Variants in CGN observed in about 807,000 individuals in gnomAD.
CGN encodes the protein cingulin.
A neutral mutation model predicts 157.1 loss-of-function variants in CGN; 121 were observed. That is an observed-to-expected ratio of 0.77 (90% CI 0.66 to 0.90). The LOEUF is 0.90. Among genes scored for constraint, CGN ranks in the 40% least tolerant of loss-of-function variants. CGN has a pLI of 0.00. For missense variants in CGN, 1,424 were observed against 1,520.9 expected (o/e 0.94, Z 1.06); for synonymous variants, 535 against 607.5 (o/e 0.88, Z 1.76).
Position 151,525,633 on chromosome 1 carries a change from C to A in CGN, c.1615-9C>A. On this transcript the variant is annotated splice_polypyrimidine_tract_variant and intron_variant, in intron 8 of 20. Coordinates refer to ENST00000271636, the MANE Select transcript of CGN (RefSeq NM_020770.3). ...GAGCCTTCTGGTGTCCAACTCTCCC[C>A]TTCTCTAGGACCATGCAGTGCTGGA... The A allele has an allele frequency of 6.4e-7, 1 of 1,560,738 alleles. No homozygotes were observed.
rs530288272 is a variant in CGN, at chr1:151,538,263, C to T, written c.*917C>T. On this transcript the variant is annotated 3_prime_UTR_variant, in exon 21 of 21. Transcript: ENST00000271636. ...CCCTGACAACTGGCTGCACAAATTC[C>T]AAAAGTAAAGGTGTCAGTCCCTGTG... 1 of 152,314 alleles carries T rather than the reference C, an allele frequency of 6.6e-6. No individual in the cohort carries two copies. The highest frequency in any genetic ancestry group is 2.4e-5 in the African/African-American group (1 of 41,550). 9.4% of individuals were successfully genotyped at this position (152,314 alleles called of 1,614,324 possible).
rs1557983772 is a variant in CGN at position 151,511,463 on chromosome 1, C to CGAGCCCGAGCCCGAGCCT, written c.-50_-49insTGAGCCCGAGCCCGAGCC. 5.3e-6 allele frequency: 1 copy of CGAGCCCGAGCCCGAGCCT among 187,724 alleles called. No homozygotes were observed. Among genetic ancestry groups the CGAGCCCGAGCCCGAGCCT allele is most frequent in the African/African-American group, 2.4e-5 (1 of 41,790 alleles). 11.6% of individuals were successfully genotyped at this position (187,724 alleles called of 1,614,324 possible). On this transcript the variant is annotated 5_prime_UTR_variant, in exon 1 of 21. Coordinates refer to ENST00000271636, the MANE Select transcript of CGN (RefSeq NM_020770.3). The surrounding 1 kb of genome is among the most constrained non-coding windows in gnomAD (Gnocchi z 4.8). Reference sequence around the variant, plus strand: ...CCGAGCCCGAGCCCGAGCCCGAGCCCGAGCCCGAGCCCGAGCCCGAACGCA... The same window carrying CGAGCCCGAGCCCGAGCCT: ...CCGAGCCCGAGCCCGAGCCCGAGCCCGAGCCCGAGCCCGAGCCTGAGCCCGAGCCCGAGCCCGAACGCA...
In CGN at chr1:151,530,635, C is replaced by T. The variant is rs373110123; in HGVS notation, c.2460C>T (p.Asn820=). ...ARLGQEQQTL[N]RALEEEGKQR... ...TGGGGCAGGAGCAGCAGACACTGAA[C>T]CGGGCCCTGGAGGAGGAAGGGAAGC... The change falls in exon 13 of 21, where the codon AAC becomes AAT. Residue 820 remains asparagine (N), a synonymous_variant. Coordinates refer to ENST00000271636, the MANE Select transcript of CGN (RefSeq NM_020770.3). The T allele has an allele frequency of 2.5e-6, 4 of 1,602,536 alleles. No individual in the cohort carries two copies. The highest frequency in any genetic ancestry group is 2.6e-6 in the Non-Finnish European group (3 of 1,174,276).
intron 10 of CGN, 52 bp from the exon 11 acceptor site, chr1:151,529,298 G>C (rs1664771681): frequency 5.4e-6 from 8 of 1,474,270 alleles, no homozygotes; most frequent in Non-Finnish European, 7.6e-6. Flanking sequence ...TCCACATTCA[G>C]GTATCTTAGT....
intron 15 of CGN, 145 bp downstream of exon 15, chr1:151,534,281 T>C: frequency 3.6e-6 from 3 of 823,240 alleles, no homozygotes; most frequent in Non-Finnish European, 5.7e-6. Context: ...TTGCCAATGT[T>C]TAGAAATTTA....
At position 151,532,457 on chromosome 1, in the gene CGN, T is replaced by C; in HGVS notation, c.2627T>C (p.Leu876Pro). ...KQALQQLQAQ[L>P]EDYKEKARRE... ...GCCCTGCAGCAGCTCCAGGCCCAGC[T>C]GGAGGATTATAAGGAAAAGGCCCGG... The change falls in exon 14 of 21, where the codon CTG becomes CCG. Residue 876 changes from leucine (L) to proline (P), a missense_variant. By Grantham distance (98) the Leu-to-Pro change is moderately conservative. Transcript: ENST00000271636. 6.2e-6 allele frequency: 10 copies of C among 1,606,560 alleles called. No individual in the cohort carries two copies. Among genetic ancestry groups the C allele is most frequent in the Non-Finnish European group, 5.1e-6 (6 of 1,177,764 alleles).
chr1:151,518,009 GT>G (rs1664450051), intron 1 of CGN, among the ~76,000 whole-genome samples: 1 of 152,042 alleles, frequency 6.6e-6, no homozygotes, highest in South Asian at 2.1e-4. Context: ...ACCAGGCCCA[GT>G]TTATTTTTGT....
chr1:151,530,170 A>G (rs1237901877), intron 12 of CGN, 55 bp downstream of exon 12: 12 of 1,530,052 alleles, frequency 7.8e-6, no homozygotes, highest in East Asian at 2.3e-5. Context: ...AAATACTCCT[A>G]TGCTAAGTAG....
upstream of CGN, chr1:151,510,877 T>G (rs985828061): frequency 6.6e-6 from 1 of 152,158 alleles, no homozygotes; most frequent in African/African-American, 2.4e-5. Flanking sequence ...GAATCCAAGA[T>G]CAGGGTTCTG....
rs1664698683 is a variant in CGN, at chr1:151,527,043, A to C, written c.1832A>C (p.Gln611Pro). Residue 611 changes from glutamine (Q) to proline (P), a missense_variant, in exon 10 of 21, where the codon CAG (glutamine) becomes CCG (proline). Transcript: ENST00000271636. ...CTTGGAGAGAAGATAGAGGTCTTGCAGAGGGAATTAGAGCAGGCCCGAGCT... is the reference window on the plus strand; with the variant it reads ...CTTGGAGAGAAGATAGAGGTCTTGCCGAGGGAATTAGAGCAGGCCCGAGCT... ...EELGEKIEVL[Q>P]RELEQARASA... 6.2e-7 allele frequency: 1 copy of C among 1,614,080 alleles called. No individual in the cohort carries two copies. The highest frequency in any genetic ancestry group is 8.5e-7 in the Non-Finnish European group (1 of 1,180,046).
At chr1:151,527,132 T>A in intron 10 of CGN, 25 bp downstream of exon 10, 5 of 1,613,682 alleles carry the variant, frequency 3.1e-6, no homozygotes, top group Non-Finnish European at 4.2e-6. Flanking sequence ...GGGGGCAGAA[T>A]GGTAGGTAGG....
At chr1:151,527,950 ATTT>A (rs374689451) in intron 10 of CGN, 162 of 81,420 alleles carry the variant, frequency 2.0e-3, no homozygotes, top group Middle Eastern at 6.2e-3. Flanking sequence ...ATATATATAT[ATTT>A]TTTTTTTTTT....
Position 151,524,668 on chromosome 1 carries a change from C to A in CGN, c.1402-6C>A, listed in dbSNP as rs780016155. ...ACCCCTGTACTTCTTCCTTTATTTT[C>A]TCCAGGACCTGTTAGAGACCCGGGA... is the stretch of plus-strand genomic sequence containing the variant. On this transcript the variant is annotated splice_region_variant and splice_polypyrimidine_tract_variant and intron_variant, in intron 7 of 20. Coordinates refer to ENST00000271636, the MANE Select transcript of CGN (RefSeq NM_020770.3). The surrounding 1 kb of genome is among the most constrained non-coding windows in gnomAD (Gnocchi z 4.4). 1 of 1,601,358 alleles carries A rather than the reference C, an allele frequency of 6.2e-7. No individual in the cohort carries two copies. The highest frequency in any genetic ancestry group is 8.5e-7 in the Non-Finnish European group (1 of 1,175,762).
intron 15 of CGN, 93 bp downstream of exon 15, chr1:151,534,229 G>A (rs941601484): frequency 1.1e-5 from 14 of 1,244,616 alleles, no homozygotes; most frequent in Non-Finnish European, 1.6e-5. Flanking sequence ...CACAGTTGAT[G>A]AGTTTTGTTT....
chr1:151,528,339 C>T (rs975186237), intron 10 of CGN, among the ~76,000 whole-genome samples: 2 of 151,676 alleles, frequency 1.3e-5, no homozygotes, highest in Non-Finnish European at 2.9e-5. Flanking sequence ...CCTTCATGTA[C>T]TCTCCCTTCA....
intron 14 of CGN, 26 bp from the exon 15 acceptor site, chr1:151,533,949 C>T: frequency 1.9e-6 from 3 of 1,593,290 alleles, no homozygotes; most frequent in Non-Finnish European, 2.6e-6. Context: ...CTACACTGAG[C>T]TGTGGCATTT....
intron 1 of CGN, among the ~76,000 whole-genome samples, chr1:151,514,659 G>C (rs1293208805): frequency 6.6e-6 from 1 of 152,072 alleles, no homozygotes; most frequent in Non-Finnish European, 1.5e-5. Context: ...TATCTCGTAG[G>C]GGAGACAGAC....
In CGN at chr1:151,537,240, T is replaced by C; in HGVS notation, c.3506T>C (p.Leu1169Pro). ...KASRSAAESA[L>P]KNEGLSSDEE... ...TCCCGCTCAGCTGCTGAGTCAGCTC[T>C]CAAAAACGAAGGGCTGAGCTCAGAT... Residue 1169 changes from leucine to proline, a missense_variant, in exon 21 of 21, where the codon CTC becomes CCC. Around this residue, in one of 3 missense-constraint regions of CGN, gnomAD observed 199 missense variants for 272.2 expected, o/e 0.73. Transcript: ENST00000271636. 3.7e-6 allele frequency: 6 copies of C among 1,614,134 alleles called. No individual in the cohort carries two copies. Among genetic ancestry groups the C allele is most frequent in the Non-Finnish European group, 5.1e-6 (6 of 1,180,004 alleles).
At chr1:151,534,252 T>TGACAAACAACTTTGAA (rs1664909887) in intron 15 of CGN, 116 bp downstream of exon 15, 1 of 992,684 alleles carries the variant, frequency 1.0e-6, no homozygotes, top group South Asian at 1.7e-5. Flanking sequence ...CTGCAGTATT[T>TGACAAACAACTTTGAA]TCAACAACTT....
Sources: allele counts gnomAD v4.1 joint callset (sites outside exome capture counted in the v4.1 genomes callset), GRCh38; gene constraint gnomAD v4.1.1; regional missense constraint gnomAD v4.1.1; non-coding constraint Gnocchi (gnomAD v3.1); transcripts MANE v1.5; gene names NCBI Gene and HGNC (gene_info 2026-07-23, HGNC 2026-07-21).